Variants in ANO1 observed in about 807,000 individuals in gnomAD.
ANO1 encodes the protein anoctamin 1.
A neutral mutation model predicts 124.0 loss-of-function variants in ANO1; 59 were observed. The observed-to-expected ratio is 0.48, with a 90% CI of 0.39 to 0.59. The LOEUF (loss-of-function observed/expected upper bound fraction) is 0.59. Ranked by LOEUF, ANO1 falls within the 20% of genes least tolerant of loss-of-function variation. The pLI is 0.00. For synonymous variants in ANO1, 529 were observed against 532.0 expected, an observed-to-expected ratio of 0.99 and a Z score of 0.08; for missense variants, 1,059 against 1,328.0, an observed-to-expected ratio of 0.80 and a Z score of 3.15.
chr11:70,172,258 G>T (rs78867092), intron 22 of ANO1, among the ~76,000 whole-genome samples: 5,003 of 152,156 alleles, frequency 0.033, 102 homozygotes, highest in Non-Finnish European at 0.04. Context: ...ACAGGGTGAC[G>T]ATCTGTCCAG....
rs775221402 is a variant in ANO1, at chr11:70,152,478, C to T, written c.1353+17C>T. The T allele has an allele frequency of 6.2e-6, 10 of 1,611,586 alleles. No individual in the cohort carries two copies. Among genetic ancestry groups the T allele is most frequent in the African/African-American group, 2.7e-5 (2 of 74,798 alleles). On this transcript the variant is annotated intron_variant, in intron 13 of 25. Coordinates refer to ENST00000355303, the MANE Select transcript of ANO1 (RefSeq NM_018043.7). ...GCTGTCAAGGTTTGGAACTTTTTGT[C>T]GCTCCTCTATCTTCCCACAGCCTAT... is the stretch of plus-strand genomic sequence containing the variant.
chr11:70,165,567 T>G lies in ANO1; in HGVS notation c.2048T>G (p.Ile683Ser). 6.2e-7 allele frequency: 1 copy of G among 1,609,964 alleles called. No individual in the cohort carries two copies. Among genetic ancestry groups the G allele is most frequent in the Non-Finnish European group, 8.5e-7 (1 of 1,178,182 alleles). Residue 683 changes from isoleucine (I) to serine (S), a missense_variant, in exon 20 of 26, where the codon ATC becomes AGC. Transcript: ENST00000355303. Reference protein sequence around the residue: ...LIQNNLFEIGIPKMKKLIRYL... With the variant: ...LIQNNLFEIGSPKMKKLIRYL... ...CAGAACAACCTGTTCGAGATCGGCA[T>G]CCCGTGAGTGTGCTGCAGCGGGTTA... is the stretch of plus-strand genomic sequence containing the variant.
intron 7 of ANO1, among the ~76,000 whole-genome samples, chr11:70,115,189 T>C (rs77354726): frequency 6.6e-6 from 1 of 152,250 alleles, no homozygotes; most frequent in African/African-American, 2.4e-5. Context: ...GGTTGCTTGC[T>C]TGAGTGTGTG....
At chr11:70,066,652 C>A (rs2135126865) in intron 1 of ANO1, among the ~76,000 whole-genome samples, 1 of 152,304 alleles carries the variant, frequency 6.6e-6, no homozygotes. Context: ...GGTGGCAGCC[C>A]TGACTTTGGC....
chr11:69,978,838 A>G, the ANO1 span, among the ~76,000 whole-genome samples: 1 of 152,228 alleles, frequency 6.6e-6, no homozygotes, highest in Non-Finnish European at 1.5e-5. Flanking sequence ...AGCACTTTCT[A>G]TATGAAGCTA....
intron 11 of ANO1, among the ~76,000 whole-genome samples, chr11:70,137,085 T>C (rs1412485089): frequency 6.8e-6 from 1 of 147,440 alleles, no homozygotes; most frequent in African/African-American, 2.4e-5. Context: ...ATTGGGAAGA[T>C]TCCCAGGCCT....
At chr11:70,175,146 A>T (rs1175255450) in intron 22 of ANO1, among the ~76,000 whole-genome samples, 2 of 152,212 alleles carry the variant, frequency 1.3e-5, no homozygotes, top group African/African-American at 4.8e-5. Flanking sequence ...GCAGCAGCTC[A>T]GTGGCCCTGG....
At chr11:70,095,702 G>A (rs1359061450) in intron 2 of ANO1, among the ~76,000 whole-genome samples, 1 of 152,184 alleles carries the variant, frequency 6.6e-6, no homozygotes, top group Non-Finnish European at 1.5e-5. Context: ...TACACCATGG[G>A]AATTGGCAGA....
intron 2 of ANO1, among the ~76,000 whole-genome samples, chr11:70,092,938 C>A (rs2044689465): frequency 6.6e-6 from 1 of 152,156 alleles, no homozygotes; most frequent in African/African-American, 2.4e-5. Context: ...CACTGCAGGG[C>A]AGGAAAGGGC....
intron 11 of ANO1, among the ~76,000 whole-genome samples, chr11:70,134,319 C>T (rs2046872058): frequency 6.6e-6 from 1 of 152,222 alleles, no homozygotes; most frequent in Non-Finnish European, 1.5e-5. Flanking sequence ...CCCTGTAGCA[C>T]TGAGCCCCCT....
At position 70,140,812 on chromosome 11, in the gene ANO1, T is replaced by A. The variant is rs146331893; in HGVS notation, c.1258+8733T>A. ...CTTTTGTTCTCAACATCTCGGGATA[T>A]CAGGACATTCCTGAGTCTGGGTCTG... is the stretch of plus-strand genomic sequence containing the variant. On this transcript the variant is annotated intron_variant, in intron 11 of 25. Coordinates refer to ENST00000355303, the MANE Select transcript of ANO1 (RefSeq NM_018043.7). Among the ~76,000 whole-genome samples the A allele has an allele frequency of 5.8e-3, 876 of 152,328 alleles. 6 individuals carry two copies. The highest frequency in any genetic ancestry group is 0.019 in the African/African-American group (787 of 41,556).
In ANO1 at chr11:70,111,716, G is replaced by A. The variant is rs746906150; in HGVS notation, c.809G>A (p.Ser270Asn). The change falls in exon 7 of 26, where the codon AGC (serine) becomes AAC (asparagine). Residue 270 changes from serine to asparagine, a missense_variant. By Grantham distance (46) the Ser-to-Asn change is conservative. Around this residue, in one of 2 missense-constraint regions of ANO1, gnomAD observed 809 missense variants for 1,094.9 expected, o/e 0.74. Transcript: ENST00000355303. ...TGCCTCTGTTTTTAAGGCATCACGA[G>A]CCTGCTGGCCAATGGTGTGTACGCG... Reference protein sequence around the residue: ...TKAKYSMGITSLLANGVYAAA... With the variant: ...TKAKYSMGITNLLANGVYAAA... 2.1e-5 allele frequency: 34 copies of A among 1,614,018 alleles called. No individual in the cohort carries two copies. Among genetic ancestry groups the A allele is most frequent in the Non-Finnish European group, 2.8e-5 (33 of 1,179,900 alleles).
At chr11:70,109,026 T>C (rs1424807872) in intron 6 of ANO1, among the ~76,000 whole-genome samples, 11 of 152,206 alleles carry the variant, frequency 7.2e-5, no homozygotes, top group Non-Finnish European at 1.5e-5. Flanking sequence ...GCAGGCAGTT[T>C]GTGAAAGCCA....
chr11:70,104,012 A>T lies in ANO1; in HGVS notation c.554A>T (p.Asn185Ile), dbSNP rs767247517. ...TCTTATCTGCAGATGTACCACATTA[A>T]TGAGACCCGTGGCCTCCTGAAAAAA... ...KMPTKKMYHI[N>I]ETRGLLKKIN... is the part of the protein sequence containing the mutation. The change falls in exon 4 of 26, where the codon AAT becomes ATT. Residue 185 changes from asparagine to isoleucine, a missense_variant. Physicochemically the swap from Asn to Ile is moderately radical, Grantham distance 149. Coordinates refer to ENST00000355303, the MANE Select transcript of ANO1 (RefSeq NM_018043.7). 4.3e-6 allele frequency: 7 copies of T among 1,612,268 alleles called. No individual in the cohort carries two copies. Among genetic ancestry groups the T allele is most frequent in the Non-Finnish European group, 5.1e-6 (6 of 1,179,274 alleles).
intron 22 of ANO1, among the ~76,000 whole-genome samples, chr11:70,173,879 C>T (rs11235477): frequency 0.3 from 45,432 of 151,736 alleles, 7,939 homozygotes; most frequent in East Asian, 0.52. Flanking sequence ...GGTGAAACTG[C>T]GTCTCTACTA....
intron 23 of ANO1, among the ~76,000 whole-genome samples, chr11:70,180,821 C>T (rs773916446): frequency 2.6e-5 from 4 of 152,208 alleles, no homozygotes; most frequent in Non-Finnish European, 5.9e-5. Context: ...TATGGCTGCT[C>T]TGTAGAGAAG....
intron 4 of ANO1, among the ~76,000 whole-genome samples, chr11:70,105,160 G>A (rs1044608862): frequency 2.6e-5 from 4 of 152,074 alleles, no homozygotes; most frequent in South Asian, 2.1e-4. Context: ...TCCAGGCTCC[G>A]TGGAGGTGGA....
At chr11:70,173,316 G>A (rs2048546299) in intron 22 of ANO1, among the ~76,000 whole-genome samples, 1 of 152,180 alleles carries the variant, frequency 6.6e-6, no homozygotes, top group South Asian at 2.1e-4. Context: ...AGAGGTCATG[G>A]CACTGTGTTT....
chr11:70,023,070 G>A (rs1406568100), intron 1 of ANO1, among the ~76,000 whole-genome samples: 1 of 152,224 alleles, frequency 6.6e-6, no homozygotes, highest in Non-Finnish European at 1.5e-5. Context: ...ACCTCCAGAA[G>A]GAACAGCCCT....
Sources: gnomAD v4.1 joint callset for allele counts (sites outside exome capture counted in the v4.1 genomes callset) on GRCh38, gnomAD v4.1.1 for gene constraint, gnomAD v4.1.1 regional missense constraint, MANE v1.5 for transcripts, NCBI Gene and HGNC (gene_info 2026-07-23, HGNC 2026-07-21) for gene names.